THBS4: variants seen among roughly 807,000 people sequenced by gnomAD.
The protein encoded by THBS4 is thrombospondin-4.
A neutral mutation model predicts 115.7 loss-of-function variants in THBS4; 90 were observed. The observed-to-expected ratio is 0.78, with a 90% confidence interval of 0.66 to 0.93. The LOEUF is 0.93. Among genes scored for constraint, THBS4 ranks in the 40% least tolerant of loss-of-function variants. The pLI is 0.00. For synonymous variants in THBS4, 460 were observed against 479.3 expected, an observed-to-expected ratio of 0.96 and a Z score of 0.53; for missense variants, 1,087 against 1,232.7, an observed-to-expected ratio of 0.88 and a Z score of 1.77.
intron 15 of THBS4, among the ~76,000 whole-genome samples, 159 bp from the exon 16 acceptor site, chr5:80,076,696 T>C (rs1057163035): frequency 6.6e-5 from 10 of 152,196 alleles, no homozygotes; most frequent in African/African-American, 1.4e-4. Flanking sequence ...CTGAGGCCCA[T>C]AGGGCAGCCT....
In THBS4 at chr5:80,003,728, A is replaced by G. The variant is rs1174291798; in HGVS notation, n.177+5301A>G. On this transcript the variant is annotated intron_variant and non_coding_transcript_variant, in intron 2 of 3. Coordinates refer to the THBS4 transcript ENST00000510218. ...GGGACAGAAGCAGATGCCTTCGCCA[A>G]ATTCAAAATGAAATCCCATATCTCT... is the stretch of plus-strand genomic sequence containing the variant. Among the ~76,000 whole-genome samples the G allele has an allele frequency of 2.0e-5, 3 of 152,246 alleles. No individual in the cohort carries two copies. The East Asian group carries it at 5.8e-4, about 29-fold the overall frequency.
At chr5:80,052,708 A>G (rs1833293516) in intron 2 of THBS4, 1 of 152,256 alleles carries the variant, frequency 6.6e-6, no homozygotes, top group Non-Finnish European at 1.5e-5. Flanking sequence ...GGTCAACTGG[A>G]AAATCGAGTC....
upstream of THBS4, among the ~76,000 whole-genome samples, chr5:80,031,513 T>A (rs1019902471): frequency 6.6e-6 from 1 of 152,240 alleles, no homozygotes; most frequent in Non-Finnish European, 1.5e-5. Flanking sequence ...TATACAAAAA[T>A]AAATGTGTCC....
In THBS4 at chr5:80,018,836, ATGT is replaced by A. The variant is rs558522528; in HGVS notation, n.177+20416_177+20418del. Among the ~76,000 whole-genome samples the A allele has an allele frequency of 1.5e-3, 234 of 152,134 alleles. 1 individual carries two copies. Among genetic ancestry groups the A allele is most frequent in the African/African-American group, 5.3e-3 (222 of 41,498 alleles). On this transcript the variant is annotated intron_variant and non_coding_transcript_variant, in intron 2 of 3. Coordinates refer to the THBS4 transcript ENST00000510218. ...GTATCTGCAAGTCTGTGAAAGTGTG[ATGT>A]TGTTGTCTGCTATTTCCTCTGGCTC...
In THBS4 at chr5:80,078,243, G is replaced by C; in HGVS notation, c.2265+16G>C. ...CCTGAACCAGGTGAGTGTCACATGGGCGGCAATGGCTCAGCCTTGCCTCTC... is the reference window on the plus strand; with the variant it reads ...CCTGAACCAGGTGAGTGTCACATGGCCGGCAATGGCTCAGCCTTGCCTCTC... On this transcript the variant is annotated intron_variant, in intron 17 of 21. Coordinates refer to ENST00000350881, the MANE Select transcript of THBS4 (RefSeq NM_003248.6). 6.4e-7 allele frequency: 1 copy of C among 1,557,194 alleles called. No homozygotes were observed. The highest frequency in any genetic ancestry group is 8.8e-7 in the Non-Finnish European group (1 of 1,142,406).
At chr5:80,005,762 A>AT (rs567389394) in intron 2 of THBS4, among the ~76,000 whole-genome samples, 3,431 of 119,794 alleles carry the variant, frequency 0.029, 121 homozygotes, top group African/African-American at 0.066. Context: ...TGTTTGTGGC[A>AT]TTTTTTTTTT....
chr5:80,019,885 G>C, intron 2 of THBS4: 1 of 161,210 alleles, frequency 6.2e-6, no homozygotes, highest in Non-Finnish European at 1.4e-5. Flanking sequence ...GTGCCTGTTG[G>C]ACAACAGACA....
chr5:80,076,959 A>G lies in THBS4; in HGVS notation c.1997A>G (p.Asp666Gly). 1 of 1,613,828 alleles carries G rather than the reference A, an allele frequency of 6.2e-7. No homozygotes were observed. The highest frequency in any genetic ancestry group is 8.5e-7 in the Non-Finnish European group (1 of 1,179,894). ...GGAATTGGTGACGAGTGTGATGATG[A>G]TGATGACAATGATGGTATCCCAGAC... ...KDGIGDECDD[D>G]DDNDGIPDLV... Residue 666 changes from aspartate to glycine, a missense_variant, in exon 16 of 22, where the codon GAT becomes GGT. Physicochemically the swap from Asp to Gly is moderately conservative, Grantham distance 94. Coordinates refer to ENST00000350881, the MANE Select transcript of THBS4 (RefSeq NM_003248.6).
chr5:80,060,630 T>C (rs373564629), intron 7 of THBS4, among the ~76,000 whole-genome samples: 5 of 152,148 alleles, frequency 3.3e-5, no homozygotes, highest in African/African-American at 7.2e-5. Context: ...CATGGTGGCA[T>C]GTGCCTGTGG....
At chr5:80,009,194 AT>A (rs1832074366) in intron 2 of THBS4, among the ~76,000 whole-genome samples, 1 of 152,166 alleles carries the variant, frequency 6.6e-6, no homozygotes. Context: ...GAGTCTGCTG[AT>A]TTCTGGAAAA....
chr5:80,012,762 C>G (rs878977165), intron 2 of THBS4, among the ~76,000 whole-genome samples: 14 of 152,188 alleles, frequency 9.2e-5, no homozygotes, highest in Admixed American at 8.5e-4. Flanking sequence ...AAAGCCTCAT[C>G]CCATCTGCAA....
In THBS4 at chr5:80,022,859, A is replaced by G. The variant is rs546067448; in HGVS notation, n.178-17218A>G. Among the ~76,000 whole-genome samples the G allele has an allele frequency of 1.3e-4, 20 of 152,302 alleles. No homozygotes were observed. In the East Asian group the frequency reaches 2.5e-3, roughly 19 times the overall value. ...TATAAGAAGCAGGTTTCTAAAGCCA[A>G]TGTCATTCATGGTTTCCTTTTTAGT... On this transcript the variant is annotated intron_variant and non_coding_transcript_variant, in intron 2 of 3. Transcript: ENST00000510218.
chr5:80,017,262 C>T (rs550847042), intron 2 of THBS4, among the ~76,000 whole-genome samples: 13 of 152,152 alleles, frequency 8.5e-5, no homozygotes, highest in African/African-American at 1.9e-4. Flanking sequence ...TCTTGGCACT[C>T]GAATCTGAAA....
At chr5:80,026,617 C>T (rs1158936800) in intron 2 of THBS4, among the ~76,000 whole-genome samples, 5 of 152,196 alleles carry the variant, frequency 3.3e-5, no homozygotes, top group South Asian at 4.1e-4. Context: ...TCCAATAAAA[C>T]TTTAATTATG....
chr5:80,015,698 G>A (rs1327505578), intron 2 of THBS4, among the ~76,000 whole-genome samples: 1 of 152,180 alleles, frequency 6.6e-6, no homozygotes, highest in Admixed American at 6.5e-5. Flanking sequence ...GGGAAGACTG[G>A]CATGCTGGCT....
intron 2 of THBS4, among the ~76,000 whole-genome samples, chr5:80,027,680 G>A (rs1277898647): frequency 6.6e-6 from 1 of 151,954 alleles, no homozygotes; most frequent in Non-Finnish European, 1.5e-5. Flanking sequence ...TGGACTGCTC[G>A]AGCCCAGGAG....
intron 7 of THBS4, among the ~76,000 whole-genome samples, chr5:80,060,817 C>G (rs1833607533): frequency 6.6e-6 from 1 of 152,192 alleles, no homozygotes; most frequent in Non-Finnish European, 1.5e-5. Flanking sequence ...ATGTTCATAG[C>G]AGGTAGCAAG....
upstream of THBS4, chr5:80,033,227 C>A: frequency 2.2e-6 from 1 of 448,802 alleles, no homozygotes; most frequent in Non-Finnish European, 4.6e-6. Context: ...ATGGGGAACA[C>A]ACGTCCAGAC....
intron 2 of THBS4, among the ~76,000 whole-genome samples, chr5:80,003,918 T>A (rs1831962013): frequency 6.6e-6 from 1 of 152,254 alleles, no homozygotes; most frequent in South Asian, 2.1e-4. Context: ...CAAGTCTGTT[T>A]CTTTAAAATT....
Sources: allele counts gnomAD v4.1 joint callset (sites outside exome capture counted in the v4.1 genomes callset), GRCh38; gene constraint gnomAD v4.1.1; transcripts MANE v1.5; gene names NCBI Gene and HGNC (gene_info 2026-07-23, HGNC 2026-07-21).